NLRC3: variants seen among roughly 807,000 people sequenced by gnomAD.
The protein encoded by NLRC3 is NLR family CARD domain containing 3.
In NLRC3, 87 loss-of-function variants were observed where a neutral mutation model predicts 91.6. That is an observed-to-expected ratio of 0.95 (90% CI 0.80 to 1.14). The LOEUF (loss-of-function observed/expected upper bound fraction) is 1.14. Among genes scored for constraint, NLRC3 ranks in the 50% most tolerant of loss-of-function variants. NLRC3 has a pLI of 0.00. For synonymous variants in NLRC3, 694 were observed against 625.3 expected (o/e 1.11, Z -1.64); for missense variants, 1,577 against 1,418.6 (o/e 1.11, Z -1.79).
At chr16:3,552,996 GA>G (rs1258058319) in intron 9 of NLRC3, among the ~76,000 whole-genome samples, 1 of 152,164 alleles carries the variant, frequency 6.6e-6, no homozygotes, top group African/African-American at 2.4e-5. Flanking sequence ...TTCCTCTTCT[GA>G]AAAAGCTGCT....
At chr16:3,555,195 A>G (rs2039239078) in intron 8 of NLRC3, among the ~76,000 whole-genome samples, 1 of 147,896 alleles carries the variant, frequency 6.8e-6, no homozygotes, top group Non-Finnish European at 1.5e-5. Context: ...ACGCCACTGC[A>G]CTCCAGTCTG....
At chr16:3,545,451 G>A (rs1310409959) in intron 15 of NLRC3, 1 of 151,844 alleles carries the variant, frequency 6.6e-6, no homozygotes, top group Non-Finnish European at 1.5e-5. Context: ...AGTAAGCCGA[G>A]ATCCCGCCAC....
intron 9 of NLRC3, 96 bp from the exon 10 acceptor site, chr16:3,552,375 G>GC (rs1220217850): frequency 3.7e-6 from 3 of 820,124 alleles, no homozygotes; most frequent in Non-Finnish European, 6.3e-6. Flanking sequence ...CAACTAGTGT[G>GC]CCCTCTACAT....
intron 8 of NLRC3, among the ~76,000 whole-genome samples, chr16:3,555,244 A>T (rs1250417434): frequency 1.3e-5 from 2 of 151,666 alleles, no homozygotes; most frequent in African/African-American, 4.9e-5. Flanking sequence ...AAAAAAAAAA[A>T]AAAAGTTAAA....
chr16:3,549,042 C>G, intron 13 of NLRC3, 100 bp downstream of exon 13: 1 of 949,078 alleles, frequency 1.1e-6, no homozygotes, highest in Non-Finnish European at 1.7e-6. Flanking sequence ...AGCTCCTTCT[C>G]CAACCCTGTG....
rs1486472235 is a variant in NLRC3 at position 3,541,734 on chromosome 16, C to T, written c.*91G>A. On this transcript the variant is annotated 3_prime_UTR_variant, in exon 20 of 20. Transcript: ENST00000359128. ...TCTCGTGCTGAGCAAGCAGCGTTCC[C>T]AGCTCCCAGACAGGCCCCCCAGAAG... is the stretch of plus-strand genomic sequence containing the variant. 2.4e-6 allele frequency: 2 copies of T among 845,388 alleles called. No homozygotes were observed. Among genetic ancestry groups the T allele is most frequent in the Non-Finnish European group, 3.9e-6 (2 of 511,890 alleles). 52.4% of individuals were successfully genotyped at this position (845,388 alleles called of 1,614,324 possible). A position where few individuals can be genotyped will look rare whatever the true frequency, so the allele number is the denominator to read the frequency against.
At chr16:3,565,250 C>G in intron 3 of NLRC3, 69 bp downstream of exon 3, 2 of 694,572 alleles carry the variant, frequency 2.9e-6, no homozygotes, top group Non-Finnish European at 5.2e-6. Context: ...TAGCAATGAT[C>G]ACACGAATGC....
chr16:3,542,646 G>T, intron 18 of NLRC3, 46 bp downstream of exon 18: 1 of 1,191,616 alleles, frequency 8.4e-7, no homozygotes, highest in Admixed American at 1.8e-5. Flanking sequence ...ACCCAGCAGA[G>T]AACTCTGCTG....
intron 5 of NLRC3, 101 bp from the exon 6 acceptor site, chr16:3,561,889 A>G (rs2039631673): frequency 7.5e-6 from 6 of 799,804 alleles, no homozygotes; most frequent in Admixed American, 3.7e-5. Context: ...ATGCAGCGCT[A>G]TCACCGCAGC....
chr16:3,563,986 C>A lies in NLRC3; in HGVS notation c.951G>T (p.Gln317His). The A allele has an allele frequency of 6.2e-7, 1 of 1,606,154 alleles. No individual in the cohort carries two copies. The highest frequency in any genetic ancestry group is 8.5e-7 in the Non-Finnish European group (1 of 1,178,870). Residue 317 changes from glutamine to histidine, a missense_variant, in exon 5 of 20, where the codon CAG becomes CAT. Gln to His is a conservative substitution (Grantham distance 24). Coordinates refer to ENST00000359128, the MANE Select transcript of NLRC3 (RefSeq NM_178844.4). ...ACATCAGGTACAGGGCCCTGTCAGCCTGCACTTGGCTCAGCATCCAGCCCA... is the reference window on the plus strand; with the variant it reads ...ACATCAGGTACAGGGCCCTGTCAGCATGCACTTGGCTCAGCATCCAGCCCA... ...ALLGWMLSQV[Q>H]ADRALYLMCT...
At chr16:3,551,981 T>TCACCCATC (rs57728849) in intron 10 of NLRC3, among the ~76,000 whole-genome samples, 5,651 of 147,378 alleles carry the variant, frequency 0.038, 217 homozygotes, top group South Asian at 0.13. Context: ...ATCCCTTCAT[T>TCACCCATC]CATCCATCCA....
chr16:3,577,315 G>A lies in NLRC3; in HGVS notation c.-335C>T, dbSNP rs369415459. ...GACCAGGGATCAGGGCACTTACCACGCCAACCAACCAACCGTGTGGGGGCC... is the reference window on the plus strand; with the variant it reads ...GACCAGGGATCAGGGCACTTACCACACCAACCAACCAACCGTGTGGGGGCC... On this transcript the variant is annotated 5_prime_UTR_variant, in exon 1 of 20. Coordinates refer to ENST00000359128, the MANE Select transcript of NLRC3 (RefSeq NM_178844.4). The A allele has an allele frequency of 1.7e-5, 11 of 655,184 alleles. No individual in the cohort carries two copies. Among genetic ancestry groups the A allele is most frequent in the South Asian group, 8.4e-5 (5 of 59,398 alleles). 40.6% of individuals were successfully genotyped at this position (655,184 alleles called of 1,614,324 possible).
chr16:3,552,050 C>T (rs1343136105), intron 10 of NLRC3, 146 bp downstream of exon 10: 2 of 611,780 alleles, frequency 3.3e-6, no homozygotes, highest in Admixed American at 5.5e-5. Context: ...TCCACCTAGT[C>T]ACCCATCCAT....
chr16:3,563,328 C>T lies in NLRC3; in HGVS notation c.1609G>A (p.Gly537Ser). ...ALLAGSLLAQGEHQAYRTQVA... is the reference protein window; with the variant it reads ...ALLAGSLLAQSEHQAYRTQVA... ...TGGGTCCGGTAGGCCTGGTGCTCGC[C>T]TTGGGCCAGCAGGGAGCCGGCCAGG... Residue 537 changes from glycine to serine, a missense_variant, in exon 5 of 20, where the codon GGC (glycine) becomes AGC (serine). Physicochemically the swap from Gly to Ser is moderately conservative, Grantham distance 56 (BLOSUM62 0). Coordinates refer to ENST00000359128, the MANE Select transcript of NLRC3 (RefSeq NM_178844.4). 3 of 1,595,730 alleles carry T rather than the reference C, an allele frequency of 1.9e-6. No individual in the cohort carries two copies. The highest frequency in any genetic ancestry group is 2.6e-6 in the Non-Finnish European group (3 of 1,172,364).
chr16:3,573,230 C>A (rs1463961603), intron 1 of NLRC3, among the ~76,000 whole-genome samples: 1 of 149,450 alleles, frequency 6.7e-6, no homozygotes, highest in Non-Finnish European at 1.5e-5. Flanking sequence ...CCAGCCTGAG[C>A]AACATGGGCA....
intron 1 of NLRC3, among the ~76,000 whole-genome samples, chr16:3,574,392 G>C (rs1030364377): frequency 6.6e-6 from 1 of 151,992 alleles, no homozygotes; most frequent in Non-Finnish European, 1.5e-5. Context: ...AAGCTCCTCC[G>C]GTGGTTCTAA....
At chr16:3,571,434 AT>A (rs926901376) in intron 1 of NLRC3, among the ~76,000 whole-genome samples, 4 of 150,428 alleles carry the variant, frequency 2.7e-5, no homozygotes, top group African/African-American at 9.7e-5. Context: ...GGAACTAGCT[AT>A]GGGGAGGCTG....
At chr16:3,544,396 C>T (rs1030189125) in intron 15 of NLRC3, 67 bp from the exon 16 acceptor site, 3 of 1,116,768 alleles carry the variant, frequency 2.7e-6, no homozygotes, top group Non-Finnish European at 4.1e-6. Context: ...GGCCCTGCCG[C>T]ACTTGGACCT....
At chr16:3,574,007 C>CTTTTTTTT (rs35126359) in intron 1 of NLRC3, among the ~76,000 whole-genome samples, 1,129 of 40,494 alleles carry the variant, frequency 0.028, 28 homozygotes, top group Non-Finnish European at 0.036. Flanking sequence ...ACCATTTTAT[C>CTTTTTTTT]TTTTTTTTTT....
Sources: allele counts gnomAD v4.1 joint callset (sites outside exome capture counted in the v4.1 genomes callset), GRCh38; gene constraint gnomAD v4.1.1; transcripts MANE v1.5; gene names NCBI Gene and HGNC (gene_info 2026-07-23, HGNC 2026-07-21).